LPAR4: variants seen among roughly 807,000 people sequenced by gnomAD.
LPAR4 encodes the protein G-protein coupled receptor 23.
A neutral mutation model predicts 9.2 loss-of-function variants in LPAR4; 14 were observed. The ratio of observed to expected loss-of-function variants is 1.51; its 90% CI spans 1.00 to 2.37. The LOEUF is 2.37. Ranked by LOEUF, LPAR4 falls within the 30% of genes most tolerant of loss-of-function variation. The pLI, the probability that LPAR4 is intolerant of heterozygous loss-of-function variation, is 0.00. For synonymous variants in LPAR4, 131 were observed against 97.9 expected, an observed-to-expected ratio of 1.34 and a Z score of -1.99; for missense variants, 251 against 272.1, an observed-to-expected ratio of 0.92 and a Z score of 0.55.
At position 78,758,390 on chromosome X, in the gene LPAR4, A is replaced by G. The variant is rs183353488; in HGVS notation, c.*2408A>G. On this transcript the variant is annotated 3_prime_UTR_variant, in exon 5 of 5. Coordinates refer to ENST00000614823, the MANE Select transcript of LPAR4 (RefSeq NM_001278000.3). The stretch of plus-strand genomic sequence containing the variant: ...TTTGTTTGTGCCCTTGCTTCTTAAC[A>G]TTATAAAATTTTATGATTATGACAC... Among the ~76,000 whole-genome samples, 21 of 111,780 alleles carry G rather than the reference A, an allele frequency of 1.9e-4. No individual in the cohort carries two copies. The highest frequency in any genetic ancestry group is 6.8e-4 in the African/African-American group (21 of 30,955).
At position 78,756,239 on chromosome X, in the gene LPAR4, C is replaced by A; in HGVS notation, c.*257C>A. The stretch of plus-strand genomic sequence containing the variant: ...TCATTGTATCGCATTATCCAGGTGG[C>A]TAGTGGCATTTGATAATATAGAGAT... On this transcript the variant is annotated 3_prime_UTR_variant, in exon 5 of 5. Transcript: ENST00000614823. 1 of 321,149 alleles carries A rather than the reference C, an allele frequency of 3.1e-6. No homozygotes were observed. Among genetic ancestry groups the A allele is most frequent in the Non-Finnish European group, 5.6e-6 (1 of 179,170 alleles). 26.5% of individuals were successfully genotyped at this position (321,149 alleles called of 1,213,427 possible).
rs187572696 is a variant in LPAR4 at position 78,755,376 on chromosome X, C to A, written c.507C>A (p.Gly169=). Residue 169 remains glycine, a synonymous_variant, in exon 5 of 5, where the codon GGC becomes GGA. Transcript: ENST00000614823. The part of the protein sequence containing the change: ...CAGVWILVLS[G]GISASLFSTT... ...GTGTCTGGATCCTAGTCCTCAGTGG[C>A]GGTATTTCAGCCTCTTTGTTTTCCA... The A allele has an allele frequency of 8.3e-7, 1 of 1,208,371 alleles. No individual in the cohort carries two copies. The highest frequency in any genetic ancestry group is 1.1e-6 in the Non-Finnish European group (1 of 894,446).
At position 78,755,790 on chromosome X, in the gene LPAR4, C is replaced by G; in HGVS notation, c.921C>G (p.Asp307Glu). ...TTGCAACTCTGAACTGTTGTTTTGA[C>G]CCTTTCATCTATTACTTCACCCTTG... ...LCLATLNCCF[D>E]PFIYYFTLES... Residue 307 changes from aspartate (D) to glutamate (E), a missense_variant, in exon 5 of 5, where the codon GAC (aspartate) becomes GAG (glutamate). Transcript: ENST00000614823. 1 of 1,208,199 alleles carries G rather than the reference C, an allele frequency of 8.3e-7. No homozygotes were observed. Among genetic ancestry groups the G allele is most frequent in the East Asian group, 3.0e-5 (1 of 33,796 alleles).
Position 78,755,149 on chromosome X carries a change from T to C in LPAR4, c.280T>C (p.Phe94Leu). The change falls in exon 5 of 5, where the codon TTT (phenylalanine) becomes CTT (leucine). Residue 94 changes from phenylalanine to leucine, a missense_variant. Phe to Leu is a conservative substitution (Grantham distance 22). Transcript: ENST00000614823. Reference sequence around the variant, plus strand: ...TTTGCTTTTTGTCTGTACACTACCTTTTAAAATATTTTACAACTTCAACCG... The same window carrying C: ...TTTGCTTTTTGTCTGTACACTACCTCTTAAAATATTTTACAACTTCAACCG... ...SDLLFVCTLPFKIFYNFNRHW... is the reference protein window; with the variant it reads ...SDLLFVCTLPLKIFYNFNRHW... 8.3e-7 allele frequency: 1 copy of C among 1,210,649 alleles called. No individual in the cohort carries two copies. The highest frequency in any genetic ancestry group is 1.1e-6 in the Non-Finnish European group (1 of 894,825).
intron 3 of LPAR4, among the ~76,000 whole-genome samples, 170 bp from the exon 4 acceptor site, chrX:78,751,040 G>A (rs745355495): frequency 3.6e-5 from 4 of 111,716 alleles, no homozygotes; most frequent in Admixed American, 9.5e-5. Flanking sequence ...TCCAATGCAT[G>A]TAAATACCAT....
At chrX:78,753,756 T>C (rs1016038842) in intron 4 of LPAR4, among the ~76,000 whole-genome samples, 12 of 111,866 alleles carry the variant, frequency 1.1e-4, no homozygotes, top group Non-Finnish European at 2.1e-4. Context: ...AGAGAGAGTA[T>C]AGCCAAGTTA....
Position 78,755,538 on chromosome X carries a change from C to A in LPAR4, c.669C>A (p.Cys223Ter). 8.3e-7 allele frequency: 1 copy of A among 1,207,192 alleles called. No homozygotes were observed. Among genetic ancestry groups the A allele is most frequent in the South Asian group, 1.8e-5 (1 of 56,881 alleles). The change falls in exon 5 of 5, where the codon TGC becomes TGA. Residue 223 changes from cysteine to a stop codon, truncating the protein, a stop_gained. Transcript: ENST00000614823. LOFTEE classifies it high-confidence loss of function. Reference protein sequence around the residue: ...FIIPLILNVSCSSVVLRTLRK... With the variant: ...FIIPLILNVS ...TTCCTCTAATATTGAATGTCTCTTG[C>A]TCTTCTGTGGTGCTGAGAACTCTTC...
chrX:78,754,448 C>A (rs1254955620), intron 4 of LPAR4, among the ~76,000 whole-genome samples: 1 of 111,551 alleles, frequency 9.0e-6, no homozygotes, highest in Admixed American at 9.5e-5. Context: ...TAAGTTCAAG[C>A]CGATCATAGT....
At position 78,747,993 on chromosome X, in the gene LPAR4, A is replaced by T. The variant is rs1422301120; in HGVS notation, c.-336A>T. 1 of 108,033 alleles carries T rather than the reference A, an allele frequency of 9.3e-6. No individual in the cohort carries two copies. The highest frequency in any genetic ancestry group is 3.4e-5 in the African/African-American group (1 of 29,554). 8.9% of individuals were successfully genotyped at this position (108,033 alleles called of 1,213,427 possible). A position where few individuals can be genotyped will look rare whatever the true frequency, so the allele number is the denominator to read the frequency against. ...ACATGTTTATTAGCTAATTATCTAC[A>T]GGCATCAGCACATTCTCTCATCTAG... On this transcript the variant is annotated 5_prime_UTR_variant, in exon 1 of 5. Transcript: ENST00000614823.
In LPAR4 at chrX:78,755,531, T is replaced by G; in HGVS notation, c.662T>G (p.Val221Gly). 8.3e-7 allele frequency: 1 copy of G among 1,206,447 alleles called. No homozygotes were observed. Among genetic ancestry groups the G allele is most frequent in the Non-Finnish European group, 1.1e-6 (1 of 891,005 alleles). ...TTTATCATTCCTCTAATATTGAATG[T>G]CTCTTGCTCTTCTGTGGTGCTGAGA... ...VGFIIPLILNVSCSSVVLRTL... is the reference protein window; with the variant it reads ...VGFIIPLILNGSCSSVVLRTL... The change falls in exon 5 of 5, where the codon GTC (valine) becomes GGC (glycine). Residue 221 changes from valine to glycine, a missense_variant. Coordinates refer to ENST00000614823, the MANE Select transcript of LPAR4 (RefSeq NM_001278000.3).
rs1486527507 is a variant in LPAR4 at position 78,755,775 on chromosome X, G to C, written c.906G>C (p.Leu302=). Residue 302 remains leucine, a synonymous_variant, in exon 5 of 5, where the codon CTG becomes CTC. Coordinates refer to ENST00000614823, the MANE Select transcript of LPAR4 (RefSeq NM_001278000.3). ...CAATCACCTTGTGCCTTGCAACTCTGAACTGTTGTTTTGACCCTTTCATCT... is the reference window on the plus strand; with the variant it reads ...CAATCACCTTGTGCCTTGCAACTCTCAACTGTTGTTTTGACCCTTTCATCT... The part of the protein sequence containing the change: ...MYPITLCLAT[L]NCCFDPFIYY... 14 of 1,207,579 alleles carry C rather than the reference G, an allele frequency of 1.2e-5. No individual in the cohort carries two copies. Among genetic ancestry groups the C allele is most frequent in the Non-Finnish European group, 1.3e-5 (12 of 893,522 alleles).
chrX:78,755,175 C>T lies in LPAR4; in HGVS notation c.306C>T (p.Arg102=), dbSNP rs753338452. 1.7e-6 allele frequency: 2 copies of T among 1,210,567 alleles called. No individual in the cohort carries two copies. The highest frequency in any genetic ancestry group is 3.5e-5 in the South Asian group (2 of 56,981). ...TTAAAATATTTTACAACTTCAACCG[C>T]CACTGGCCTTTTGGTGACACCCTCT... The part of the protein sequence containing the change: ...LPFKIFYNFN[R]HWPFGDTLCK... Residue 102 remains arginine, a synonymous_variant, in exon 5 of 5, where the codon CGC becomes CGT. Transcript: ENST00000614823.
intron 1 of LPAR4, among the ~76,000 whole-genome samples, chrX:78,748,530 T>C (rs1924931540): frequency 8.9e-6 from 1 of 112,325 alleles, no homozygotes; most frequent in African/African-American, 3.2e-5. Context: ...TGAAAAACTC[T>C]GTCATAAACT....
intron 4 of LPAR4, among the ~76,000 whole-genome samples, chrX:78,752,202 T>G (rs1351334507): frequency 8.9e-6 from 1 of 111,752 alleles, no homozygotes. Context: ...GAGGTTGATT[T>G]AGATCAATTT....
chrX:78,749,415 C>T (rs1313749283), intron 1 of LPAR4, among the ~76,000 whole-genome samples: 1 of 111,577 alleles, frequency 9.0e-6, no homozygotes, highest in South Asian at 3.7e-4. Context: ...TTACTTTAAG[C>T]GGATAAATAA....
Position 78,755,994 on chromosome X carries a change from G to A in LPAR4, c.*12G>A, listed in dbSNP as rs1437186694. The A allele has an allele frequency of 8.5e-7, 1 of 1,182,214 alleles. No homozygotes were observed. The highest frequency in any genetic ancestry group is 1.1e-6 in the Non-Finnish European group (1 of 876,197). On this transcript the variant is annotated 3_prime_UTR_variant, in exon 5 of 5. Coordinates refer to ENST00000614823, the MANE Select transcript of LPAR4 (RefSeq NM_001278000.3). ...AATCCACCTTTTAGGTATGAGAAAT[G>A]TGTTCAGGTCCAGATATGGTTTCTC... is the stretch of plus-strand genomic sequence containing the variant.
rs773108832 is a variant in LPAR4, at chrX:78,757,085, A to T, written c.*1103A>T. Reference sequence around the variant, plus strand: ...CCCCTGGATTGGAAGCAAATAAAAAAAAAAAACAACACATAAACTAAACCA... The same window carrying T: ...CCCCTGGATTGGAAGCAAATAAAAATAAAAAACAACACATAAACTAAACCA... On this transcript the variant is annotated 3_prime_UTR_variant, in exon 5 of 5. Coordinates refer to ENST00000614823, the MANE Select transcript of LPAR4 (RefSeq NM_001278000.3). The T allele has an allele frequency of 5.8e-5, 7 of 121,265 alleles. No homozygotes were observed. Among genetic ancestry groups the T allele is most frequent in the African/African-American group, 2.3e-4 (7 of 30,476 alleles). 10.0% of individuals were successfully genotyped at this position (121,265 alleles called of 1,213,427 possible). A position where few individuals can be genotyped will look rare whatever the true frequency, so the allele number is the denominator to read the frequency against.
In LPAR4 at chrX:78,756,162, C is replaced by G; in HGVS notation, c.*180C>G. ...TTTGTTCAGTAATTATAGGTCAAATCTAATTACAACAACCAAGATGGATTG... is the reference window on the plus strand; with the variant it reads ...TTTGTTCAGTAATTATAGGTCAAATGTAATTACAACAACCAAGATGGATTG... On this transcript the variant is annotated 3_prime_UTR_variant, in exon 5 of 5. Coordinates refer to ENST00000614823, the MANE Select transcript of LPAR4 (RefSeq NM_001278000.3). The G allele has an allele frequency of 2.3e-6, 1 of 426,160 alleles. No homozygotes were observed. The highest frequency in any genetic ancestry group is 4.6e-5 in the South Asian group (1 of 21,636). 35.1% of individuals were successfully genotyped at this position (426,160 alleles called of 1,213,427 possible). A position where few individuals can be genotyped will look rare whatever the true frequency, so the allele number is the denominator to read the frequency against.
Position 78,755,100 on chromosome X carries a change from T to TA in LPAR4, c.232dup (p.Ile78AsnfsTer8). 1.7e-6 allele frequency: 2 copies of TA among 1,210,424 alleles called. No individual in the cohort carries two copies. The highest frequency in any genetic ancestry group is 2.2e-6 in the Non-Finnish European group (2 of 894,362). The stretch of plus-strand genomic sequence containing the variant: ...AAATGAGAAGTGAGACTGCTATTTT[T>TA]ATCACCAATCTAGCTGTCTCTGATT... On this transcript the variant is annotated frameshift_variant, in exon 5 of 5. Coordinates refer to ENST00000614823, the MANE Select transcript of LPAR4 (RefSeq NM_001278000.3). LOFTEE classifies it high-confidence loss of function.
Sources: gnomAD v4.1 joint callset for allele counts (sites outside exome capture counted in the v4.1 genomes callset) on GRCh38, gnomAD v4.1.1 for gene constraint, MANE v1.5 for transcripts, NCBI Gene and HGNC (gene_info 2026-07-23, HGNC 2026-07-21) for gene names.